TESK2: variants seen among roughly 807,000 people sequenced by gnomAD.
The protein encoded by TESK2 is testis associated actin remodelling kinase 2.
A neutral mutation model predicts 57.1 loss-of-function variants in TESK2; 39 were observed. The observed-to-expected ratio is 0.68, with a 90% CI of 0.53 to 0.89. TESK2 has a LOEUF of 0.89. TESK2 is among the 40% of genes least tolerant of loss of function. TESK2 has a pLI of 0.00. For missense variants in TESK2, 646 were observed against 732.1 expected, an observed-to-expected ratio of 0.88 and a Z score of 1.36; for synonymous variants, 249 against 267.9, an observed-to-expected ratio of 0.93 and a Z score of 0.69.
At chr1:45,466,005 A>C (rs1412979454) in intron 1 of TESK2, among the ~76,000 whole-genome samples, 1 of 152,224 alleles carries the variant, frequency 6.6e-6, no homozygotes, top group Non-Finnish European at 1.5e-5. Context: ...CAACCACCCC[A>C]CAGTATACCA....
intron 1 of TESK2, among the ~76,000 whole-genome samples, chr1:45,476,572 G>C (rs1020790954): frequency 6.6e-6 from 1 of 152,156 alleles, no homozygotes; most frequent in Non-Finnish European, 1.5e-5. Flanking sequence ...AGCTAGCCAG[G>C]CGCGGTGGCT....
At chr1:45,412,300 A>G (rs1650065308) in intron 3 of TESK2, among the ~76,000 whole-genome samples, 1 of 152,270 alleles carries the variant, frequency 6.6e-6, no homozygotes, top group Non-Finnish European at 1.5e-5. Context: ...TACAGCCCAC[A>G]TATACGGGAA....
At chr1:45,394,322 G>GT (rs1420732330) in intron 3 of TESK2, among the ~76,000 whole-genome samples, 1 of 140,732 alleles carries the variant, frequency 7.1e-6, no homozygotes, top group African/African-American at 2.8e-5. Context: ...ACCACAGCTG[G>GT]CTTTTTTTTT....
rs145077006 is a variant in TESK2, at chr1:45,381,812, A to G, written c.393+4100T>C. ...TGATACTTGTGACTAAGTGAAAGAC[A>G]AGGTTAGGTCTTGTGAATGAAAGAC... is the stretch of plus-strand genomic sequence containing the variant. On this transcript the variant is annotated intron_variant, in intron 4 of 10. Coordinates refer to ENST00000372086, the MANE Select transcript of TESK2 (RefSeq NM_007170.3). Among the ~76,000 whole-genome samples, 22 of 151,384 alleles carry G rather than the reference A, an allele frequency of 1.5e-4. No homozygotes were observed. The East Asian group carries it at 4.1e-3, about 28-fold the overall frequency.
At chr1:45,436,581 C>T (rs1019939076) in intron 2 of TESK2, among the ~76,000 whole-genome samples, 3 of 149,076 alleles carry the variant, frequency 2.0e-5, no homozygotes, top group East Asian at 2.0e-4. Flanking sequence ...CCTCCACCTT[C>T]CGGGTTCAAG....
In TESK2 at chr1:45,415,281, C is replaced by T. The variant is rs1001734426; in HGVS notation, c.344+6444G>A. On this transcript the variant is annotated intron_variant, in intron 3 of 10. Transcript: ENST00000372086. Reference sequence around the variant, plus strand: ...TGAATATTGTGGAGGCCATGGGGCACTTTGGGTCTGGGAATGGCAAGACCA... The same window carrying T: ...TGAATATTGTGGAGGCCATGGGGCATTTTGGGTCTGGGAATGGCAAGACCA... 3.0e-6 allele frequency: 4 copies of T among 1,355,556 alleles called. No homozygotes were observed. In the African/African-American group the frequency reaches 5.7e-5, roughly 19 times the overall value. The allele number at this position is 1,355,556 out of a possible 1,614,324, so 84.0% of individuals were successfully genotyped here.
At chr1:45,456,638 C>T (rs1033480284) in intron 2 of TESK2, among the ~76,000 whole-genome samples, 4 of 150,596 alleles carry the variant, frequency 2.7e-5, no homozygotes, top group African/African-American at 9.8e-5. Flanking sequence ...AGTGAAAATA[C>T]AATGTAGAAA....
chr1:45,409,153 C>T (rs777247770), intron 3 of TESK2, among the ~76,000 whole-genome samples: 1 of 152,154 alleles, frequency 6.6e-6, no homozygotes, highest in Non-Finnish European at 1.5e-5. Flanking sequence ...AGATAAACTT[C>T]TACCCTCAGA....
intron 3 of TESK2, among the ~76,000 whole-genome samples, chr1:45,421,271 C>A (rs148422629): frequency 6.6e-6 from 1 of 152,148 alleles, no homozygotes; most frequent in African/African-American, 2.4e-5. Flanking sequence ...AATAACAATT[C>A]TCAAAGGCAA....
intron 2 of TESK2, among the ~76,000 whole-genome samples, chr1:45,449,205 G>C (rs1464433649): frequency 6.9e-6 from 1 of 144,818 alleles, no homozygotes; most frequent in Admixed American, 7.1e-5. Flanking sequence ...CTGGGTGACA[G>C]AGCGAGACTC....
At chr1:45,393,172 GCTTTT>G (rs1649216986) in intron 3 of TESK2, among the ~76,000 whole-genome samples, 1 of 152,106 alleles carries the variant, frequency 6.6e-6, no homozygotes. Flanking sequence ...ACACACCCTT[GCTTTT>G]CTTCCTCCCA....
chr1:45,477,389 C>T (rs1653040843), intron 1 of TESK2, among the ~76,000 whole-genome samples: 1 of 151,990 alleles, frequency 6.6e-6, no homozygotes, highest in Non-Finnish European at 1.5e-5. Flanking sequence ...AAGTAAATTT[C>T]AGGCAGGTGG....
intron 2 of TESK2, among the ~76,000 whole-genome samples, chr1:45,454,800 T>C (rs1382344970): frequency 6.6e-6 from 1 of 152,104 alleles, no homozygotes; most frequent in African/African-American, 2.4e-5. Flanking sequence ...ATATACACAA[T>C]GCAATATTAG....
At chr1:45,382,911 T>TA (rs1051688119) in intron 4 of TESK2, among the ~76,000 whole-genome samples, 2 of 152,176 alleles carry the variant, frequency 1.3e-5, no homozygotes, top group African/African-American at 4.8e-5. Context: ...ACAGGTAGTT[T>TA]AAAAATAAAA....
intron 1 of TESK2, among the ~76,000 whole-genome samples, chr1:45,478,721 CTTT>C (rs772741820): frequency 1.4e-5 from 2 of 142,060 alleles, no homozygotes. Context: ...TGGTTTTTAA[CTTT>C]TTTTTTTTTT....
rs199827698 is a variant in TESK2, at chr1:45,345,135, C to T, written c.1421G>A (p.Arg474Gln). 162 of 1,614,040 alleles carry T rather than the reference C, an allele frequency of 1.0e-4. No homozygotes were observed. The highest frequency in any genetic ancestry group is 1.6e-4 in the Middle Eastern group (1 of 6,084). Reference protein sequence around the residue: ...LHQEACPFVGREESLSDGPPP... With the variant: ...LHQEACPFVGQEESLSDGPPP... ...GGGCCCATCAGATAGCGATTCTTCC[C>T]GGCCCACAAATGGACAAGCCTCTTG... is the stretch of plus-strand genomic sequence containing the variant. The change falls in exon 11 of 11, where the codon CGG becomes CAG. Residue 474 changes from arginine (R) to glutamine (Q), a missense_variant. Coordinates refer to ENST00000372086, the MANE Select transcript of TESK2 (RefSeq NM_007170.3).
chr1:45,444,351 C>T lies in TESK2; in HGVS notation c.222+13213G>A, dbSNP rs560993270. Among the ~76,000 whole-genome samples the T allele has an allele frequency of 6.4e-4, 97 of 152,240 alleles. 1 individual carries two copies. Among genetic ancestry groups the T allele is most frequent in the Non-Finnish European group, 1.8e-4 (12 of 68,012 alleles). ...AACCAAAAATAAACAGACCTATTCC[C>T]CCCTTTCCCATTGATAATGTTTTCA... On this transcript the variant is annotated intron_variant, in intron 2 of 10. Coordinates refer to ENST00000372086, the MANE Select transcript of TESK2 (RefSeq NM_007170.3).
rs1570714206 is a variant in TESK2 at position 45,422,759 on chromosome 1, T to TTGTTGTTG, written c.223-914_223-913insCAACAACA. Among the ~76,000 whole-genome samples the TTGTTGTTG allele has an allele frequency of 5.4e-5, 8 of 147,010 alleles. No individual in the cohort carries two copies. The East Asian group carries it at 1.5e-3, about 27-fold the overall frequency. On this transcript the variant is annotated intron_variant, in intron 2 of 10. Coordinates refer to ENST00000372086, the MANE Select transcript of TESK2 (RefSeq NM_007170.3). ...ATGCCCAGCCAATCATGTCTGGTTTTTTGTTGTTGTTGTTGTTGTTTTTGT... is the reference window on the plus strand; with the variant it reads ...ATGCCCAGCCAATCATGTCTGGTTTTTGTTGTTGTTGTTGTTGTTGTTGTTGTTTTTGT...
At chr1:45,431,459 A>G (rs1008579381) in intron 2 of TESK2, among the ~76,000 whole-genome samples, 1 of 152,076 alleles carries the variant, frequency 6.6e-6, no homozygotes, top group African/African-American at 2.4e-5. Context: ...GCTGCATGGA[A>G]TTTCTGGGGA....
Sources: gnomAD v4.1 joint callset for allele counts (sites outside exome capture counted in the v4.1 genomes callset) on GRCh38, gnomAD v4.1.1 for gene constraint, MANE v1.5 for transcripts, NCBI Gene and HGNC (gene_info 2026-07-23, HGNC 2026-07-21) for gene names.